Variants in MAP3K2 observed in about 807,000 individuals in gnomAD.
MAP3K2 encodes MAP/ERK kinase kinase 2.
A neutral mutation model predicts 80.3 loss-of-function variants in MAP3K2; 24 were observed. That is an observed-to-expected ratio of 0.30 (90% CI 0.22 to 0.42). The LOEUF is 0.42. MAP3K2 is among the 10% of genes least tolerant of loss of function. MAP3K2 has a pLI of 1.00. For missense variants in MAP3K2, 608 were observed against 750.1 expected (o/e 0.81, Z 2.21); for synonymous variants, 244 against 253.7 (o/e 0.96, Z 0.36).
intron 1 of MAP3K2, among the ~76,000 whole-genome samples, chr2:127,351,694 C>G (rs1161144527): frequency 6.6e-6 from 1 of 152,116 alleles, no homozygotes. Context: ...TTACTCCAAA[C>G]TCTAATATAA....
rs141958044 is a variant in MAP3K2 at position 127,324,077 on chromosome 2, CTTTA to C, written c.746-87_746-84del. The C allele has an allele frequency of 7.2e-4, 777 of 1,079,082 alleles. 3 individuals carry two copies. The African/African-American group carries it at 0.01, about 14-fold the overall frequency. The allele number at this position is 1,079,082 out of a possible 1,614,324, so 66.8% of individuals were successfully genotyped here. A position where few individuals can be genotyped will look rare whatever the true frequency, so the allele number is the denominator to read the frequency against. ...AATGATGAAAAGCACATTTATAAAT[CTTTA>C]TTTGACTTTTCAAAAATCCCCCCTC... On this transcript the variant is annotated intron_variant, in intron 10 of 16. Transcript: ENST00000682094.
chr2:127,374,476 C>T (rs1006138150), intron 1 of MAP3K2, among the ~76,000 whole-genome samples: 2 of 152,184 alleles, frequency 1.3e-5, no homozygotes, highest in African/African-American at 4.8e-5. Context: ...CTTATCTAAA[C>T]AATTTCAACT....
Position 127,322,383 on chromosome 2 carries a change from T to A in MAP3K2, c.839-131A>T. 1.7e-6 allele frequency: 1 copy of A among 603,576 alleles called. No homozygotes were observed. Among genetic ancestry groups the A allele is most frequent in the Non-Finnish European group, 2.9e-6 (1 of 345,946 alleles). The allele number at this position is 603,576 out of a possible 1,614,324, so 37.4% of individuals were successfully genotyped here. ...GCTAAGAAACTCAAATAGGAATGAT[T>A]GGGTGGGAAAAAATAAACAGGATCT... On this transcript the variant is annotated intron_variant, in intron 11 of 16. Coordinates refer to ENST00000682094, the MANE Select transcript of MAP3K2 (RefSeq NM_001371910.2). The surrounding 1 kb of genome is among the most constrained non-coding windows in gnomAD (Gnocchi z 4.2).
At chr2:127,329,142 C>T (rs1046767398) in intron 7 of MAP3K2, among the ~76,000 whole-genome samples, 1 of 152,028 alleles carries the variant, frequency 6.6e-6, no homozygotes, top group African/African-American at 2.4e-5. Flanking sequence ...TTCTTTATAT[C>T]ATAATCTTAA....
At chr2:127,370,784 G>A (rs372917868) in intron 1 of MAP3K2, among the ~76,000 whole-genome samples, 30 of 152,220 alleles carry the variant, frequency 2.0e-4, no homozygotes, top group South Asian at 4.1e-4. Flanking sequence ...CTCTGGCCCC[G>A]TTATACACAG....
At chr2:127,343,336 T>G (rs1160437579) in intron 1 of MAP3K2, 142 bp from the exon 2 acceptor site, 1 of 493,932 alleles carries the variant, frequency 2.0e-6, no homozygotes, top group Non-Finnish European at 3.6e-6. Flanking sequence ...GGGGAGGTGT[T>G]TTATATTGAA....
At position 127,346,232 on chromosome 2, in the gene MAP3K2, CACAG is replaced by C. The variant is rs554367210; in HGVS notation, c.-65-3042_-65-3039del. On this transcript the variant is annotated intron_variant, in intron 1 of 16. Transcript: ENST00000682094. ...TCAACAAATTAGATGACTGAGATGA[CACAG>C]ACAAATTCCTAAAAAGAAACAAATT... Among the ~76,000 whole-genome samples the C allele has an allele frequency of 1.3e-3, 197 of 151,686 alleles. 2 individuals carry two copies. The highest frequency in any genetic ancestry group is 4.2e-3 in the African/African-American group (173 of 41,360).
At chr2:127,325,873 C>A in intron 8 of MAP3K2, 66 bp from the exon 9 acceptor site, 1 of 1,087,810 alleles carries the variant, frequency 9.2e-7, no homozygotes, top group Non-Finnish European at 1.4e-6. Context: ...ATTAAAAAAA[C>A]CTGCCTTAAT....
At chr2:127,329,221 AT>A (rs1686202798) in intron 7 of MAP3K2, among the ~76,000 whole-genome samples, 1 of 152,196 alleles carries the variant, frequency 6.6e-6, no homozygotes, top group East Asian at 1.9e-4. Flanking sequence ...TAATATAAAA[AT>A]TCTTAGTATC....
intron 1 of MAP3K2, among the ~76,000 whole-genome samples, chr2:127,356,086 C>G (rs1330102672): frequency 6.6e-6 from 1 of 152,148 alleles, no homozygotes; most frequent in African/African-American, 2.4e-5. Context: ...CCTGCTATTT[C>G]CATCAAATCT....
intron 1 of MAP3K2, among the ~76,000 whole-genome samples, chr2:127,356,470 A>C (rs1429859751): frequency 6.6e-6 from 1 of 152,182 alleles, no homozygotes; most frequent in African/African-American, 2.4e-5. Context: ...GCTAAAAAAA[A>C]TGCTTAAAAA....
rs542409602 is a variant in MAP3K2 at position 127,310,181 on chromosome 2, T to C, written c.1457-1419A>G. Among the ~76,000 whole-genome samples, 7 of 152,310 alleles carry C rather than the reference T, an allele frequency of 4.6e-5. No homozygotes were observed. The highest frequency in any genetic ancestry group is 8.8e-5 in the Non-Finnish European group (6 of 68,026). ...ACTGGAGTTCTTTCCACTGACTCTGTGTCCCTTTGCCATACCCCCATCATT... is the reference window on the plus strand; with the variant it reads ...ACTGGAGTTCTTTCCACTGACTCTGCGTCCCTTTGCCATACCCCCATCATT... On this transcript the variant is annotated intron_variant, in intron 15 of 16. Transcript: ENST00000682094. This position sits in a 1 kb window ranked among gnomAD's most constrained non-coding sequence, Gnocchi z 4.8.
intron 1 of MAP3K2, among the ~76,000 whole-genome samples, chr2:127,373,331 T>C (rs182903112): frequency 6.6e-6 from 1 of 152,320 alleles, no homozygotes; most frequent in African/African-American, 2.4e-5. Context: ...CCTGAAAAAG[T>C]ACAGATGTCT....
rs1199927636 is a variant in MAP3K2 at position 127,364,092 on chromosome 2, T to C, written c.-65-20898A>G. On this transcript the variant is annotated intron_variant, in intron 1 of 16. Transcript: ENST00000682094. This position sits in a 1 kb window ranked among gnomAD's most constrained non-coding sequence, Gnocchi z 4.1. Reference sequence around the variant, plus strand: ...CAACCATAACATAATATAGCACACATATGTTTCAGTCAATCTAACCTATCT... The same window carrying C: ...CAACCATAACATAATATAGCACACACATGTTTCAGTCAATCTAACCTATCT... Among the ~76,000 whole-genome samples, 3 of 152,106 alleles carry C rather than the reference T, an allele frequency of 2.0e-5. No individual in the cohort carries two copies. The highest frequency in any genetic ancestry group is 1.3e-4 in the Admixed American group (2 of 15,276).
chr2:127,328,345 T>C (rs777124022), intron 7 of MAP3K2, among the ~76,000 whole-genome samples: 1 of 152,120 alleles, frequency 6.6e-6, no homozygotes, highest in Non-Finnish European at 1.5e-5. Context: ...TGATAAGAAA[T>C]GGGGATAAAG....
chr2:127,381,160 C>A (rs1687239612), intron 1 of MAP3K2, among the ~76,000 whole-genome samples: 1 of 152,128 alleles, frequency 6.6e-6, no homozygotes, highest in African/African-American at 2.4e-5. Flanking sequence ...CAGCCCAGCT[C>A]AAAAATTTGT....
chr2:127,320,231 A>G (rs765160008), intron 12 of MAP3K2, among the ~76,000 whole-genome samples: 19 of 152,244 alleles, frequency 1.2e-4, no homozygotes, highest in Non-Finnish European at 2.1e-4. Context: ...AACATGTTAA[A>G]GGTTCTAATG....
At position 127,322,375 on chromosome 2, in the gene MAP3K2, G is replaced by A; in HGVS notation, c.839-123C>T. Reference sequence around the variant, plus strand: ...GTGACTAGGCTAAGAAACTCAAATAGGAATGATTGGGTGGGAAAAAATAAA... The same window carrying A: ...GTGACTAGGCTAAGAAACTCAAATAAGAATGATTGGGTGGGAAAAAATAAA... On this transcript the variant is annotated intron_variant, in intron 11 of 16. Coordinates refer to ENST00000682094, the MANE Select transcript of MAP3K2 (RefSeq NM_001371910.2). This position sits in a 1 kb window ranked among gnomAD's most constrained non-coding sequence, Gnocchi z 4.2. The A allele has an allele frequency of 1.6e-6, 1 of 609,142 alleles. No individual in the cohort carries two copies. Among genetic ancestry groups the A allele is most frequent in the Non-Finnish European group, 2.9e-6 (1 of 350,416 alleles). The allele number at this position is 609,142 out of a possible 1,614,324, so 37.7% of individuals were successfully genotyped here.
At chr2:127,362,232 C>T (rs1048860827) in intron 1 of MAP3K2, among the ~76,000 whole-genome samples, 1 of 152,136 alleles carries the variant, frequency 6.6e-6, no homozygotes, top group African/African-American at 2.4e-5. Context: ...GGTGTGTGAC[C>T]GCAGGCAAAT....
Sources: gnomAD v4.1 joint callset for allele counts (sites outside exome capture counted in the v4.1 genomes callset) on GRCh38, gnomAD v4.1.1 for gene constraint, Gnocchi (gnomAD v3.1) non-coding constraint, MANE v1.5 for transcripts, NCBI Gene and HGNC (gene_info 2026-07-23, HGNC 2026-07-21) for gene names.